The following BHLHE41 variants were observed in gnomAD, a reference collection of about 807,000 sequenced individuals.
The protein encoded by BHLHE41 is class E basic helix-loop-helix protein 41.
BHLHE41 carries 14 observed loss-of-function variants against 24.0 expected under a neutral mutation model. That is an observed-to-expected ratio of 0.58 (90% CI 0.39 to 0.91). BHLHE41 has a LOEUF of 0.91. BHLHE41 is among the 40% of genes least tolerant of loss of function. The probability of loss-of-function intolerance (pLI) is 0.00; values close to 1 mark genes in which losing one functional copy is unlikely to be tolerated. For synonymous variants in BHLHE41, 394 were observed against 315.5 expected (o/e 1.25, Z -2.64); for missense variants, 674 against 655.4 (o/e 1.03, Z -0.31).
chr12:26,122,778 GC>G lies in BHLHE41; in HGVS notation c.736del (p.Ala246ProfsTer35). Reference protein sequence around the residue: ...TDTDSGYGGEAEARPDREKGK... With the variant: ...TDTDSGYGGEXEARPDREKGK... ...TTTCTCGCGGTCCGGCCGGGCCTCGGCTTCGCCGCCGTAGCCGCTGTCGGTG... is the reference window on the plus strand; with the variant it reads ...TTTCTCGCGGTCCGGCCGGGCCTCGGTTCGCCGCCGTAGCCGCTGTCGGTG... On this transcript the variant is annotated frameshift_variant, in exon 5 of 5. Coordinates refer to ENST00000242728, the MANE Select transcript of BHLHE41 (RefSeq NM_030762.3). LOFTEE classifies it low-confidence loss of function (END_TRUNC). 6.3e-7 allele frequency: 1 copy of G among 1,587,012 alleles called. No homozygotes were observed. Among genetic ancestry groups the G allele is most frequent in the Non-Finnish European group, 8.5e-7 (1 of 1,173,248 alleles).
Position 26,122,518 on chromosome 12 carries a change from CG to C in BHLHE41, c.996del (p.Gly333GlufsTer170). ...GCGGGCTGCGGGAAGGGCGCGCCTC[CG>C]CCTCCGCCGAACGCCACCAGCGAGC... ...LLSSLVAFGGGGGAPFPQPAA... is the reference protein window; with the variant it reads ...LLSSLVAFGGXGGAPFPQPAA... On this transcript the variant is annotated frameshift_variant, in exon 5 of 5. Coordinates refer to ENST00000242728, the MANE Select transcript of BHLHE41 (RefSeq NM_030762.3). LOFTEE classifies it high-confidence loss of function. 1 of 1,289,168 alleles carries C rather than the reference CG, an allele frequency of 7.8e-7. No individual in the cohort carries two copies. The highest frequency in any genetic ancestry group is 9.9e-7 in the Non-Finnish European group (1 of 1,007,710). 79.9% of individuals were successfully genotyped at this position (1,289,168 alleles called of 1,614,324 possible).
At position 26,122,426 on chromosome 12, in the gene BHLHE41, C is replaced by A. The variant is rs1565664417; in HGVS notation, c.1089G>T (p.Val363=). Residue 363 remains valine (V), a synonymous_variant, in exon 5 of 5, where the codon GTG becomes GTT. Coordinates refer to ENST00000242728, the MANE Select transcript of BHLHE41 (RefSeq NM_030762.3). ...GGCCGCTCTTGTCCAGGAAGGGCTG[C>A]ACGTAGGCGGCAGCTGCAGAAGGCG... ...FLSPSAAAAY[V]QPFLDKSGLE... 2 of 1,349,482 alleles carry A rather than the reference C, an allele frequency of 1.5e-6. No individual in the cohort carries two copies. Among genetic ancestry groups the A allele is most frequent in the Non-Finnish European group, 1.9e-6 (2 of 1,040,196 alleles). 83.6% of individuals were successfully genotyped at this position (1,349,482 alleles called of 1,614,324 possible). A position where few individuals can be genotyped will look rare whatever the true frequency, so the allele number is the denominator to read the frequency against.
rs2137388232 is a variant in BHLHE41, at chr12:26,123,552, G to C, written c.346+78C>G. On this transcript the variant is annotated intron_variant, in intron 4 of 4. Transcript: ENST00000242728. ...GCCCACGGAAAGAGATGGGGTGCGG[G>C]TGAGGGAGTCCTGACACTGCTCCCC... 26 of 977,436 alleles carry C rather than the reference G, an allele frequency of 2.7e-5. No homozygotes were observed. In the South Asian group the frequency reaches 2.7e-4, roughly 10 times the overall value. 60.5% of individuals were successfully genotyped at this position (977,436 alleles called of 1,614,324 possible). A position where few individuals can be genotyped will look rare whatever the true frequency, so the allele number is the denominator to read the frequency against.
At position 26,123,614 on chromosome 12, in the gene BHLHE41, C is replaced by T. The variant is rs1197319948; in HGVS notation, c.346+16G>A. On this transcript the variant is annotated intron_variant, in intron 4 of 4. Coordinates refer to ENST00000242728, the MANE Select transcript of BHLHE41 (RefSeq NM_030762.3). Reference sequence around the variant, plus strand: ...CCGCTTCATCAGGGTAGGCTGGCCTCCCTGAACTGACTTACCATTCTGTAA... The same window carrying T: ...CCGCTTCATCAGGGTAGGCTGGCCTTCCTGAACTGACTTACCATTCTGTAA... 5.0e-6 allele frequency: 8 copies of T among 1,585,804 alleles called. No homozygotes were observed. Among genetic ancestry groups the T allele is most frequent in the Admixed American group, 1.7e-5 (1 of 59,994 alleles).
At position 26,123,000 on chromosome 12, in the gene BHLHE41, TG is replaced by T; in HGVS notation, c.514del (p.Gln172SerfsTer9). On this transcript the variant is annotated frameshift_variant, in exon 5 of 5. Transcript: ENST00000242728. LOFTEE classifies it low-confidence loss of function (END_TRUNC). Reference protein sequence around the residue: ...LINHLHAVATQFLPTPQLLTQ... With the variant: ...LINHLHAVATXFLPTPQLLTQ... The stretch of plus-strand genomic sequence containing the variant: ...CAACAGCTGCGGGGTGGGCAAGAAC[TG>T]GGTGGCCACGGCGTGCAAGTGGTTG... The T allele has an allele frequency of 6.4e-7, 1 of 1,567,524 alleles. No homozygotes were observed. The highest frequency in any genetic ancestry group is 8.7e-7 in the Non-Finnish European group (1 of 1,155,690).
rs746684180 is a variant in BHLHE41 at position 26,122,103 on chromosome 12, T to A, written c.1412A>T (p.Gln471Leu). 2.6e-6 allele frequency: 4 copies of A among 1,549,604 alleles called. No homozygotes were observed. In the South Asian group the frequency reaches 4.8e-5, roughly 18 times the overall value. Residue 471 changes from glutamine (Q) to leucine (L), a missense_variant, in exon 5 of 5, where the codon CAG (glutamine) becomes CTG (leucine). Coordinates refer to ENST00000242728, the MANE Select transcript of BHLHE41 (RefSeq NM_030762.3). ...REPGNPESSA[Q>L]EDPSQPGKEA... ...CTTTCCTGGCTGCGAGGGATCTTCC[T>A]GAGCAGAGCTCTCCGGGTTCCCCGG...
chr12:26,123,266 C>G (rs1944331347), intron 4 of BHLHE41, 98 bp from the exon 5 acceptor site: 1 of 1,406,886 alleles, frequency 7.1e-7, no homozygotes, highest in African/African-American at 1.4e-5. Context: ...GGCCCTGCAT[C>G]GACTAAAGTG....
chr12:26,122,355 A>C lies in BHLHE41; in HGVS notation c.1160T>G (p.Leu387Arg). The stretch of plus-strand genomic sequence containing the variant: ...CGGGGCGGGGATGCCGGGGTATAGC[A>C]GCGGGAACGGGGCGGCAGCCGCCGC... ...YPAAAAAPFP[L>R]LYPGIPAPAA... The change falls in exon 5 of 5, where the codon CTG becomes CGG. Residue 387 changes from leucine (L) to arginine (R), a missense_variant. Leu to Arg is a moderately radical substitution (Grantham distance 102). Around this residue, in one of 3 missense-constraint regions of BHLHE41, gnomAD observed 602 missense variants for 570.8 expected, o/e 1.05. Coordinates refer to ENST00000242728, the MANE Select transcript of BHLHE41 (RefSeq NM_030762.3). 6 of 1,172,378 alleles carry C rather than the reference A, an allele frequency of 5.1e-6. No homozygotes were observed. Among genetic ancestry groups the C allele is most frequent in the Non-Finnish European group, 6.3e-6 (6 of 951,264 alleles). 72.6% of individuals were successfully genotyped at this position (1,172,378 alleles called of 1,614,324 possible).
intron 3 of BHLHE41, 92 bp downstream of exon 3, chr12:26,123,980 A>G (rs887263202): frequency 1.0e-6 from 1 of 971,606 alleles, no homozygotes; most frequent in African/African-American, 1.6e-5. Flanking sequence ...TCAGGAACTT[A>G]TATTTACATT....
chr12:26,122,671 G>T lies in BHLHE41; in HGVS notation c.844C>A (p.Leu282Met). 1 of 1,532,020 alleles carries T rather than the reference G, an allele frequency of 6.5e-7. No homozygotes were observed. Among genetic ancestry groups the T allele is most frequent in the Non-Finnish European group, 8.7e-7 (1 of 1,144,324 alleles). 94.9% of individuals were successfully genotyped at this position (1,532,020 alleles called of 1,614,324 possible). A position where few individuals can be genotyped will look rare whatever the true frequency, so the allele number is the denominator to read the frequency against. The change falls in exon 5 of 5, where the codon CTG becomes ATG. Residue 282 changes from leucine (L) to methionine (M), a missense_variant. By Grantham distance (15) the Leu-to-Met change is conservative. Coordinates refer to ENST00000242728, the MANE Select transcript of BHLHE41 (RefSeq NM_030762.3). ...EDSPAPKRMK[L>M]DSRGGGSGGG... is the part of the protein sequence containing the mutation. ...CCGCTGCCGCCGCCGCGGGAATCCA[G>T]CTTCATCCTCTTGGGCGCCGGCGAG...
intron 2 of BHLHE41, 60 bp from the exon 3 acceptor site, chr12:26,124,239 T>C: frequency 9.0e-7 from 1 of 1,110,216 alleles, no homozygotes; most frequent in Non-Finnish European, 1.3e-6. Flanking sequence ...ACTTATTGGA[T>C]ATTACCCTCG....
At position 26,122,167 on chromosome 12, in the gene BHLHE41, G is replaced by C; in HGVS notation, c.1348C>G (p.His450Asp). 6.5e-7 allele frequency: 1 copy of C among 1,534,834 alleles called. No individual in the cohort carries two copies. The highest frequency in any genetic ancestry group is 1.4e-5 in the African/African-American group (1 of 72,012). ...PLGAPHPQHP[H>D]GRTHLPFAGP... is the part of the protein sequence containing the mutation. ...GCGAAGGGCAGGTGGGTGCGGCCGT[G>C]CGGGTGCTGGGGGTGCGGCGCCCCA... The change falls in exon 5 of 5, where the codon CAC becomes GAC. Residue 450 changes from histidine (H) to aspartate (D), a missense_variant. Coordinates refer to ENST00000242728, the MANE Select transcript of BHLHE41 (RefSeq NM_030762.3).
At position 26,124,995 on chromosome 12, in the gene BHLHE41, C is replaced by G; in HGVS notation, c.-216G>C. The G allele has an allele frequency of 1.6e-6, 1 of 636,072 alleles. No homozygotes were observed. Among genetic ancestry groups the G allele is most frequent in the Non-Finnish European group, 2.9e-6 (1 of 350,850 alleles). The allele number at this position is 636,072 out of a possible 1,614,324, so 39.4% of individuals were successfully genotyped here. On this transcript the variant is annotated 5_prime_UTR_variant, in exon 1 of 5. Coordinates refer to ENST00000242728, the MANE Select transcript of BHLHE41 (RefSeq NM_030762.3). The stretch of plus-strand genomic sequence containing the variant: ...GCACACACACGCACACTCGCGCCGG[C>G]CCCACTGCGCTGGTAGTTTGCTCTC...
In BHLHE41 at chr12:26,124,698, CA is replaced by C; in HGVS notation, c.62+19del. ...AAACCAAAGCCTAGACAGATATTCG[CA>C]AGGGTGCGTGCACCTTACCCTATAA... On this transcript the variant is annotated intron_variant, in intron 1 of 4. Coordinates refer to ENST00000242728, the MANE Select transcript of BHLHE41 (RefSeq NM_030762.3). 6.2e-7 allele frequency: 1 copy of C among 1,613,712 alleles called. No individual in the cohort carries two copies. Among genetic ancestry groups the C allele is most frequent in the East Asian group, 2.2e-5 (1 of 44,880 alleles).
rs539801347 is a variant in BHLHE41 at position 26,123,667 on chromosome 12, G to C, written c.309C>G (p.Thr103=). 4.3e-5 allele frequency: 69 copies of C among 1,613,974 alleles called. No individual in the cohort carries two copies. The South Asian group carries it at 7.2e-4, about 17-fold the overall frequency. Residue 103 remains threonine, a synonymous_variant, in exon 4 of 5, where the codon ACC becomes ACG. Transcript: ENST00000242728. ...LKHLKALTAL[T]EQQHQKIIAL... ...CAATTATCTTCTGATGCTGTTGCTC[G>C]GTTAAGGCGGTTAAAGCTTTTAAGT...
chr12:26,122,479 G>T lies in BHLHE41; in HGVS notation c.1036C>A (p.Pro346Thr). 1 of 1,341,426 alleles carries T rather than the reference G, an allele frequency of 7.5e-7. No homozygotes were observed. 83.1% of individuals were successfully genotyped at this position (1,341,426 alleles called of 1,614,324 possible). Residue 346 changes from proline (P) to threonine (T), a missense_variant, in exon 5 of 5, where the codon CCC becomes ACC. This residue lies in a region of BHLHE41 where 602 missense variants were observed against 570.8 expected (regional missense o/e 1.05). Coordinates refer to ENST00000242728, the MANE Select transcript of BHLHE41 (RefSeq NM_030762.3). ...AGGAAGCAGAAGGGCAGGCAGAAGG[G>T]GGCCGCGGCGGCCGCGGGCTGCGGG... ...PFPQPAAAAA[P>T]FCLPFCFLSP...
intron 4 of BHLHE41, 129 bp from the exon 5 acceptor site, chr12:26,123,297 T>G (rs1438996957): frequency 3.9e-5 from 50 of 1,272,514 alleles, no homozygotes; most frequent in Non-Finnish European, 5.0e-5. Context: ...TTCCCCAGTA[T>G]TCAAGTGATA....
rs1009781045 is a variant in BHLHE41 at position 26,120,197 on chromosome 12, T to C, written c.*1869A>G. The C allele has an allele frequency of 3.9e-5, 6 of 152,782 alleles. No homozygotes were observed. The East Asian group carries it at 7.7e-4, about 20-fold the overall frequency. The allele number at this position is 152,782 out of a possible 1,614,324, so 9.5% of individuals were successfully genotyped here. ...GTAGTGATTTGTATCCCTATAGTTA[T>C]AGATATCTTAAAACTAATTGAGCAT... On this transcript the variant is annotated 3_prime_UTR_variant, in exon 5 of 5. Transcript: ENST00000242728.
intron 2 of BHLHE41, 81 bp downstream of exon 2, chr12:26,124,438 G>T: frequency 1.4e-6 from 2 of 1,449,712 alleles, no homozygotes; most frequent in Non-Finnish European, 9.7e-7. Flanking sequence ...ATATATTTGC[G>T]GGCAGAGCTT....
Sources: allele counts gnomAD v4.1 joint callset, GRCh38; gene constraint gnomAD v4.1.1; regional missense constraint gnomAD v4.1.1; transcripts MANE v1.5; gene names NCBI Gene and HGNC (gene_info 2026-07-23, HGNC 2026-07-21).